Variants in POU2F1 observed in about 807,000 individuals in gnomAD.
The protein encoded by POU2F1 is POU domain, class 2, transcription factor 1.
POU2F1 carries 16 observed loss-of-function variants against 84.9 expected under a neutral mutation model. The observed-to-expected ratio is 0.19, with a 90% CI of 0.13 to 0.29. POU2F1 has a LOEUF of 0.29. Ranked by LOEUF, POU2F1 falls within the 10% of genes least tolerant of loss-of-function variation. POU2F1 has a pLI of 1.00. For missense variants in POU2F1, 738 were observed against 942.6 expected (o/e 0.78, Z 2.84); for synonymous variants, 368 against 368.3 (o/e 1.00, Z 0.01).
chr1:167,365,318 GTTTCC>G lies in POU2F1; in HGVS notation c.128-144_128-140del, dbSNP rs1197311375. On this transcript the variant is annotated intron_variant, in intron 2 of 15. Coordinates refer to ENST00000367866, the MANE Select transcript of POU2F1 (RefSeq NM_002697.4). ...CTTTTAGAAGATAAACCAGTTTACT[GTTTCC>G]TTTCTTTTGAATCCCTTCTCCTTGG... is the stretch of plus-strand genomic sequence containing the variant. 14 of 519,590 alleles carry G rather than the reference GTTTCC, an allele frequency of 2.7e-5. No homozygotes were observed. In the Admixed American group the frequency reaches 4.1e-4, roughly 15 times the overall value. The allele number at this position is 519,590 out of a possible 1,614,324, so 32.2% of individuals were successfully genotyped here.
intron 1 of POU2F1, among the ~76,000 whole-genome samples, chr1:167,229,239 C>A (rs1334051255): frequency 6.6e-6 from 1 of 151,422 alleles, no homozygotes; most frequent in Non-Finnish European, 1.5e-5. Context: ...TAATTAGATG[C>A]AAAGAGATTA....
chr1:167,376,860 G>A (rs916432946), intron 7 of POU2F1, among the ~76,000 whole-genome samples: 1 of 152,106 alleles, frequency 6.6e-6, no homozygotes, highest in East Asian at 1.9e-4. Flanking sequence ...TCAGAGATAA[G>A]TAATTCAGTA....
intron 8 of POU2F1, among the ~76,000 whole-genome samples, chr1:167,385,447 T>G (rs993959347): frequency 3.3e-5 from 5 of 152,034 alleles, no homozygotes; most frequent in African/African-American, 1.2e-4. Flanking sequence ...ATGAAGACAG[T>G]GTAATACTGG....
At chr1:167,281,121 C>G (rs1408046431) in intron 1 of POU2F1, among the ~76,000 whole-genome samples, 2 of 152,168 alleles carry the variant, frequency 1.3e-5, no homozygotes, top group Non-Finnish European at 2.9e-5. Flanking sequence ...TGAATAGATA[C>G]AGTTCTCCAA....
At chr1:167,262,999 T>A (rs2102440792) in intron 1 of POU2F1, among the ~76,000 whole-genome samples, 1 of 152,346 alleles carries the variant, frequency 6.6e-6, no homozygotes, top group South Asian at 2.1e-4. Flanking sequence ...GCCACTGAAG[T>A]GTTTTGAGTA....
chr1:167,269,529 T>C (rs936453350), intron 1 of POU2F1, among the ~76,000 whole-genome samples: 1 of 152,158 alleles, frequency 6.6e-6, no homozygotes, highest in Non-Finnish European at 1.5e-5. Flanking sequence ...GTCTGAGAGA[T>C]GGAAAGAGAG....
intron 1 of POU2F1, among the ~76,000 whole-genome samples, chr1:167,246,047 T>G (rs1192551776): frequency 6.6e-6 from 1 of 152,254 alleles, no homozygotes; most frequent in African/African-American, 2.4e-5. Flanking sequence ...AAGAATTTGA[T>G]GTCAGTTAAA....
chr1:167,272,281 T>C (rs567540574), intron 1 of POU2F1, among the ~76,000 whole-genome samples: 2 of 150,964 alleles, frequency 1.3e-5, no homozygotes, highest in South Asian at 4.2e-4. Context: ...CTGAAAAATG[T>C]CAAAATAGTA....
At position 167,401,463 on chromosome 1, in the gene POU2F1, C is replaced by T. The variant is rs1488179660; in HGVS notation, c.1462C>T (p.Pro488Ser). The change falls in exon 13 of 16, where the codon CCA (proline) becomes TCA (serine). Residue 488 changes from proline (P) to serine (S), a missense_variant. Transcript: ENST00000367866. ...TTCTGACCTCAAGGTGGCGACCACA[C>T]CAAGCCTTGTGACTAGCAGTGCAGC... The part of the protein sequence containing the change: ...PSPTSLVATT[P>S]SLVTSSAATT... 4 of 1,612,248 alleles carry T rather than the reference C, an allele frequency of 2.5e-6. No homozygotes were observed. Among genetic ancestry groups the T allele is most frequent in the Middle Eastern group, 1.7e-4 (1 of 6,052 alleles).
chr1:167,292,537 G>T (rs1196214628), intron 1 of POU2F1, among the ~76,000 whole-genome samples: 1 of 149,084 alleles, frequency 6.7e-6, no homozygotes, highest in Non-Finnish European at 1.5e-5. Context: ...TGGATTCACA[G>T]CTGAATTCTA....
chr1:167,243,688 CT>C (rs1449422991), intron 1 of POU2F1, among the ~76,000 whole-genome samples: 1 of 152,124 alleles, frequency 6.6e-6, no homozygotes, highest in Non-Finnish European at 1.5e-5. Flanking sequence ...GTTGGCTAGG[CT>C]GGTCTCGAAC....
At chr1:167,357,908 A>G (rs1204430684) in intron 2 of POU2F1, among the ~76,000 whole-genome samples, 3 of 149,934 alleles carry the variant, frequency 2.0e-5, no homozygotes, top group East Asian at 2.0e-4. Context: ...GGTTCAAGCA[A>G]TCCCCCTGCC....
At chr1:167,345,856 T>C (rs1658156281) in intron 2 of POU2F1, among the ~76,000 whole-genome samples, 1 of 143,700 alleles carries the variant, frequency 7.0e-6, no homozygotes, top group African/African-American at 2.6e-5. Context: ...CTTATTTTTC[T>C]ACAATTAAGA....
chr1:167,307,308 G>A (rs1375117116), intron 1 of POU2F1, among the ~76,000 whole-genome samples: 1 of 152,092 alleles, frequency 6.6e-6, no homozygotes. Flanking sequence ...ATCTTGAAAT[G>A]TCCATCAGAA....
In POU2F1 at chr1:167,356,578, G is replaced by T. The variant is rs139855778; in HGVS notation, c.128-8889G>T. On this transcript the variant is annotated intron_variant, in intron 2 of 15. Coordinates refer to ENST00000367866, the MANE Select transcript of POU2F1 (RefSeq NM_002697.4). ...GGTAGAAGGTATTTGAGTCACTGGCGGCAAATATATACGGGTCTGCAGCAA... is the reference window on the plus strand; with the variant it reads ...GGTAGAAGGTATTTGAGTCACTGGCTGCAAATATATACGGGTCTGCAGCAA... Among the ~76,000 whole-genome samples the T allele has an allele frequency of 4.2e-3, 636 of 152,162 alleles. 11 individuals carry two copies. The highest frequency in any genetic ancestry group is 0.015 in the African/African-American group (615 of 41,516).
At chr1:167,243,332 T>TA (rs1464588986) in intron 1 of POU2F1, among the ~76,000 whole-genome samples, 1 of 152,222 alleles carries the variant, frequency 6.6e-6, no homozygotes, top group African/African-American at 2.4e-5. Context: ...TGTTTAGGAT[T>TA]AAGTGAGATA....
At chr1:167,362,632 C>T (rs548574089) in intron 2 of POU2F1, among the ~76,000 whole-genome samples, 1 of 152,302 alleles carries the variant, frequency 6.6e-6, no homozygotes, top group African/African-American at 2.4e-5. Context: ...CCTGCCTCAG[C>T]CTCTGAGTAG....
intron 2 of POU2F1, among the ~76,000 whole-genome samples, chr1:167,333,618 G>A (rs1657224493): frequency 6.6e-6 from 1 of 152,226 alleles, no homozygotes; most frequent in South Asian, 2.1e-4. Flanking sequence ...TCTCTAAACT[G>A]TACATACCTC....
intron 1 of POU2F1, among the ~76,000 whole-genome samples, chr1:167,245,094 C>A (rs549041699): frequency 1.8e-4 from 28 of 152,268 alleles, no homozygotes; most frequent in African/African-American, 6.5e-4. Context: ...TTAAAAAAAT[C>A]CGTGCCCTTC....
Sources: allele counts gnomAD v4.1 joint callset (sites outside exome capture counted in the v4.1 genomes callset), GRCh38; gene constraint gnomAD v4.1.1; transcripts MANE v1.5; gene names NCBI Gene and HGNC (gene_info 2026-07-23, HGNC 2026-07-21).